Variants in PCDH9 observed in about 807,000 individuals in gnomAD.
The protein encoded by PCDH9 is protocadherin 9.
Under a neutral mutation model 70.6 loss-of-function variants are expected in PCDH9, and 24 were observed. That is an observed-to-expected ratio of 0.34 (90% CI 0.25 to 0.48). The LOEUF is 0.48. PCDH9 is among the 20% of genes least tolerant of loss of function. The probability of loss-of-function intolerance (pLI) is 0.99; values close to 1 mark genes in which losing one functional copy is unlikely to be tolerated. For missense variants in PCDH9, 1,281 were observed against 1,503.6 expected, an observed-to-expected ratio of 0.85 and a Z score of 2.45; for synonymous variants, 562 against 558.5, an observed-to-expected ratio of 1.01 and a Z score of -0.09.
intron 2 of PCDH9, among the ~76,000 whole-genome samples, chr13:66,930,335 C>T (rs1169751367): frequency 6.6e-6 from 1 of 152,082 alleles, no homozygotes; most frequent in Admixed American, 6.6e-5. Context: ...CAATTTTGAT[C>T]TAGTACTTTC....
intron 4 of PCDH9, among the ~76,000 whole-genome samples, chr13:66,602,114 T>C (rs1375196170): frequency 1.4e-5 from 2 of 146,058 alleles, no homozygotes; most frequent in African/African-American, 4.9e-5. Context: ...TGTTCAGCCT[T>C]TTGGTTTCCC....
intron 4 of PCDH9, among the ~76,000 whole-genome samples, chr13:66,630,513 C>T (rs1332175178): frequency 6.6e-6 from 1 of 152,054 alleles, no homozygotes; most frequent in African/African-American, 2.4e-5. Flanking sequence ...CCCAACAATG[C>T]TTATTTGGAG....
chr13:66,815,251 T>C (rs1026445333), intron 3 of PCDH9, among the ~76,000 whole-genome samples: 1 of 151,996 alleles, frequency 6.6e-6, no homozygotes, highest in African/African-American at 2.4e-5. Context: ...AGAATGACTG[T>C]TATTAAAAAG....
intron 3 of PCDH9, among the ~76,000 whole-genome samples, chr13:66,802,928 A>G (rs1248098792): frequency 6.6e-6 from 1 of 152,174 alleles, no homozygotes; most frequent in Non-Finnish European, 1.5e-5. Context: ...TGAACCAGGT[A>G]TTTAGGAACT....
At chr13:66,334,497 A>C (rs1173970832) in intron 4 of PCDH9, among the ~76,000 whole-genome samples, 1 of 152,020 alleles carries the variant, frequency 6.6e-6, no homozygotes, top group Non-Finnish European at 1.5e-5. Context: ...AGAAAGGGAA[A>C]TTTTGCCTCC....
intron 4 of PCDH9, among the ~76,000 whole-genome samples, chr13:66,384,401 A>G (rs918955953): frequency 3.9e-5 from 6 of 152,180 alleles, no homozygotes; most frequent in Non-Finnish European, 7.4e-5. Flanking sequence ...TTGTTGTTCT[A>G]TCAGAAAAAA....
chr13:66,529,378 G>A (rs554147785), intron 4 of PCDH9, among the ~76,000 whole-genome samples: 1 of 152,012 alleles, frequency 6.6e-6, no homozygotes, highest in Non-Finnish European at 1.5e-5. Context: ...TGAGAAAATA[G>A]AACCTATTGC....
At chr13:66,570,668 A>C (rs1157244980) in intron 4 of PCDH9, among the ~76,000 whole-genome samples, 1 of 152,140 alleles carries the variant, frequency 6.6e-6, no homozygotes, top group Non-Finnish European at 1.5e-5. Flanking sequence ...ACTAAGGAAA[A>C]CAGATTTTAG....
At chr13:66,473,566 T>C (rs1958661655) in intron 4 of PCDH9, among the ~76,000 whole-genome samples, 1 of 152,156 alleles carries the variant, frequency 6.6e-6, no homozygotes, top group East Asian at 1.9e-4. Context: ...TTAGGACTCA[T>C]GTTACAATGT....
At chr13:66,497,546 C>G (rs1959135910) in intron 4 of PCDH9, among the ~76,000 whole-genome samples, 1 of 152,164 alleles carries the variant, frequency 6.6e-6, no homozygotes, top group African/African-American at 2.4e-5. Context: ...TCAACCATCT[C>G]TCTACCTTTC....
intron 2 of PCDH9, among the ~76,000 whole-genome samples, chr13:67,012,788 A>G (rs1289930023): frequency 6.6e-6 from 1 of 152,030 alleles, no homozygotes; most frequent in African/African-American, 2.4e-5. Context: ...TTTTTTATGT[A>G]AAACGATTAA....
Position 66,774,449 on chromosome 13 carries a change from C to T in PCDH9, c.3138+129055G>A, listed in dbSNP as rs575811300. 7.7e-5 allele frequency among the ~76,000 whole-genome samples: 10 copies of T among 129,378 alleles called. No homozygotes were observed. The South Asian group carries it at 2.4e-3, about 31-fold the overall frequency. 84.9% of individuals were successfully genotyped at this position (129,378 alleles called of 152,430 possible). A position where few individuals can be genotyped will look rare whatever the true frequency, so the allele number is the denominator to read the frequency against. On this transcript the variant is annotated intron_variant, in intron 3 of 4. Coordinates refer to ENST00000377865, the MANE Select transcript of PCDH9 (RefSeq NM_203487.3). ...GTCACTTCTTTCTCCTGCTCATCTACTAGATTTTTTTTTTAACTCTGGAGG... is the reference window on the plus strand; with the variant it reads ...GTCACTTCTTTCTCCTGCTCATCTATTAGATTTTTTTTTTAACTCTGGAGG...
At chr13:66,918,512 C>A (rs2082591427) in intron 2 of PCDH9, among the ~76,000 whole-genome samples, 1 of 151,072 alleles carries the variant, frequency 6.6e-6, no homozygotes, top group African/African-American at 2.4e-5. Context: ...AAAAGAGAAA[C>A]AAACTTTCAA....
intron 3 of PCDH9, among the ~76,000 whole-genome samples, chr13:66,857,118 T>C (rs566829595): frequency 1.1e-4 from 16 of 152,088 alleles, no homozygotes; most frequent in Non-Finnish European, 2.1e-4. Flanking sequence ...AAGAATTTAA[T>C]CACGCCCATT....
intron 2 of PCDH9, among the ~76,000 whole-genome samples, chr13:67,171,819 T>C (rs1368354664): frequency 3.9e-5 from 6 of 152,142 alleles, no homozygotes; most frequent in Non-Finnish European, 8.8e-5. Flanking sequence ...TAGCAGTAAA[T>C]GAAATGACCT....
rs200773193 is a variant in PCDH9 at position 66,932,681 on chromosome 13, T to TACAC, written c.3037-29080_3037-29077dup. The stretch of plus-strand genomic sequence containing the variant: ...TCACATATATATATATATATATATA[T>TACAC]ACACACACACACACGTATGTATATA... On this transcript the variant is annotated intron_variant, in intron 2 of 4. Transcript: ENST00000377865. Among the ~76,000 whole-genome samples, 46 of 114,826 alleles carry TACAC rather than the reference T, an allele frequency of 4.0e-4. 2 individuals carry two copies. The highest frequency in any genetic ancestry group is 1.3e-3 in the African/African-American group (38 of 29,248). 75.3% of individuals were successfully genotyped at this position (114,826 alleles called of 152,430 possible).
At chr13:67,028,509 G>T (rs1320884903) in intron 2 of PCDH9, among the ~76,000 whole-genome samples, 1 of 151,542 alleles carries the variant, frequency 6.6e-6, no homozygotes, top group Admixed American at 6.6e-5. Flanking sequence ...CATGGCACAT[G>T]TACACATATG....
At chr13:67,099,376 C>T (rs2086386285) in intron 2 of PCDH9, among the ~76,000 whole-genome samples, 1 of 152,094 alleles carries the variant, frequency 6.6e-6, no homozygotes. Flanking sequence ...TTTCAATCTG[C>T]CATTCAATTT....
Position 67,227,756 on chromosome 13 carries a change from T to C in PCDH9, c.685A>G (p.Thr229Ala). 2 of 1,613,548 alleles carry C rather than the reference T, an allele frequency of 1.2e-6. No individual in the cohort carries two copies. The highest frequency in any genetic ancestry group is 1.7e-6 in the Non-Finnish European group (2 of 1,179,468). Residue 229 changes from threonine to alanine, a missense_variant, in exon 2 of 5, where the codon ACT becomes GCT. Thr to Ala is a moderately conservative substitution (Grantham distance 58, BLOSUM62 0). Coordinates refer to ENST00000377865, the MANE Select transcript of PCDH9 (RefSeq NM_203487.3). The surrounding 1 kb of genome is among the most constrained non-coding windows in gnomAD (Gnocchi z 4.6). ...ATGGCCGTACTGGATTTCTGTGGAGTGCCTCCATCCTCTACTTTGATTTTC... is the reference window on the plus strand; with the variant it reads ...ATGGCCGTACTGGATTTCTGTGGAGCGCCTCCATCCTCTACTTTGATTTTC... ...VMKIKVEDGGTPQKSSTAILQ... is the reference protein window; with the variant it reads ...VMKIKVEDGGAPQKSSTAILQ...
Sources: allele counts gnomAD v4.1 joint callset (sites outside exome capture counted in the v4.1 genomes callset), GRCh38; gene constraint gnomAD v4.1.1; non-coding constraint Gnocchi (gnomAD v3.1); transcripts MANE v1.5; gene names NCBI Gene and HGNC (gene_info 2026-07-23, HGNC 2026-07-21).